ABCG2: variants seen among roughly 807,000 people sequenced by gnomAD.
The protein encoded by ABCG2 is broad substrate specificity ATP-binding cassette transporter ABCG2.
In ABCG2, 80 loss-of-function variants were observed where a neutral mutation model predicts 73.5. The observed-to-expected ratio is 1.09, with a 90% CI of 0.91 to 1.31. The LOEUF is 1.31. Among genes scored for constraint, ABCG2 ranks in the 50% most tolerant of loss-of-function variants. ABCG2 has a pLI of 0.00. For missense variants in ABCG2, 796 were observed against 786.2 expected, an observed-to-expected ratio of 1.01 and a Z score of -0.15; for synonymous variants, 269 against 282.4, an observed-to-expected ratio of 0.95 and a Z score of 0.48.
intron 1 of ABCG2, among the ~76,000 whole-genome samples, chr4:88,170,795 T>C (rs1168628480): frequency 1.3e-5 from 2 of 152,362 alleles, no homozygotes; most frequent in Middle Eastern, 3.4e-3. Context: ...GGCTCCTCTT[T>C]CAGTTATAAA....
At chr4:88,109,001 ATTT>A (rs35911715) in intron 9 of ABCG2, among the ~76,000 whole-genome samples, 1 of 140,894 alleles carries the variant, frequency 7.1e-6, no homozygotes. Flanking sequence ...TCAATTCAGG[ATTT>A]TTTTTTTTTT....
At chr4:88,103,379 T>C (rs1220021666) in intron 10 of ABCG2, among the ~76,000 whole-genome samples, 1 of 152,244 alleles carries the variant, frequency 6.6e-6, no homozygotes. Context: ...TCTAATTCTT[T>C]CAAGGTGGTA....
chr4:88,216,227 G>A (rs924481199), intron 1 of ABCG2, among the ~76,000 whole-genome samples: 5 of 152,302 alleles, frequency 3.3e-5, no homozygotes, highest in Non-Finnish European at 7.4e-5. Context: ...CTTATGAGCC[G>A]TGGCTACTGG....
At chr4:88,115,231 A>AGTCTCTCTCTCTCTCT (rs759937067) in intron 7 of ABCG2, among the ~76,000 whole-genome samples, 173 bp from the exon 8 acceptor site, 2,756 of 21,754 alleles carry the variant, frequency 0.13, 296 homozygotes, top group African/African-American at 0.16. Flanking sequence ...TTATATATTC[A>AGTCTCTCTCTCTCTCT]GTCTCTCTCT....
intron 12 of ABCG2, among the ~76,000 whole-genome samples, chr4:88,098,953 A>C (rs1041172947): frequency 6.6e-6 from 1 of 151,376 alleles, no homozygotes; most frequent in Admixed American, 6.6e-5. Context: ...TTTACCAAAA[A>C]CTCCATCTTT....
chr4:88,160,243 A>AG (rs1727233245), upstream of ABCG2, among the ~76,000 whole-genome samples: 1 of 144,608 alleles, frequency 6.9e-6, no homozygotes, highest in Admixed American at 7.0e-5. Context: ...CTCTGTCTCA[A>AG]GAAAAAAAAA....
At chr4:88,097,920 A>T (rs1722097204) in intron 12 of ABCG2, among the ~76,000 whole-genome samples, 1 of 152,208 alleles carries the variant, frequency 6.6e-6, no homozygotes, top group Non-Finnish European at 1.5e-5. Flanking sequence ...ACTCATCAAT[A>T]GCACATTCAT....
chr4:88,224,396 T>C (rs1074839), intron 1 of ABCG2, among the ~76,000 whole-genome samples: 84,793 of 152,078 alleles, frequency 0.56, 23,903 homozygotes, highest in Middle Eastern at 0.66. Context: ...CGAGATGGTG[T>C]CACTGCACCC....
intron 6 of ABCG2, among the ~76,000 whole-genome samples, chr4:88,119,325 G>A (rs1428686938): frequency 6.6e-6 from 1 of 152,208 alleles, no homozygotes; most frequent in Non-Finnish European, 1.5e-5. Flanking sequence ...TATTAGCAGT[G>A]TGAGAACAAA....
chr4:88,192,194 A>C (rs941647173), intron 1 of ABCG2, among the ~76,000 whole-genome samples: 2 of 152,022 alleles, frequency 1.3e-5, no homozygotes, highest in African/African-American at 4.8e-5. Context: ...AAAAAAAAAA[A>C]AAAGAAAGAA....
chr4:88,179,965 TA>T (rs1468701910), intron 1 of ABCG2, among the ~76,000 whole-genome samples: 1 of 152,068 alleles, frequency 6.6e-6, no homozygotes, highest in East Asian at 1.9e-4. Context: ...GGGACAAAGC[TA>T]AGAGTTATTG....
intron 1 of ABCG2, among the ~76,000 whole-genome samples, chr4:88,208,756 G>C (rs1729471646): frequency 6.6e-6 from 1 of 152,128 alleles, no homozygotes; most frequent in African/African-American, 2.4e-5. Flanking sequence ...AATCAACCCA[G>C]ACAAAGCAAA....
intron 1 of ABCG2, among the ~76,000 whole-genome samples, chr4:88,210,944 T>C (rs1008732812): frequency 6.6e-6 from 1 of 152,070 alleles, no homozygotes; most frequent in African/African-American, 2.4e-5. Flanking sequence ...AGATGCCATG[T>C]TCTGCCCCTG....
At chr4:88,228,310 C>T (rs140630800) in intron 1 of ABCG2, among the ~76,000 whole-genome samples, 15 of 152,204 alleles carry the variant, frequency 9.9e-5, no homozygotes, top group South Asian at 2.1e-4. Context: ...TGGCCTCATC[C>T]GAGAAAATGG....
chr4:88,094,613 A>C lies in ABCG2; in HGVS notation c.1784T>G (p.Leu595Arg), dbSNP rs1351853099. The change falls in exon 15 of 16, where the codon CTC becomes CGC. Residue 595 changes from leucine to arginine, a missense_variant. Leu to Arg is a moderately radical substitution (Grantham distance 102, BLOSUM62 -2). Transcript: ENST00000237612. ...EFLGQNFCPG[L>R]NATGNNPCNY... ...ACAAGGATTGTTTCCTGTTGCATTG[A>C]GTCCTGGGCAGAAGTTTTGTCCCAA... is the stretch of plus-strand genomic sequence containing the variant. The C allele has an allele frequency of 1.2e-6, 2 of 1,614,014 alleles. No homozygotes were observed. Among genetic ancestry groups the C allele is most frequent in the Non-Finnish European group, 1.7e-6 (2 of 1,179,962 alleles).
intron 2 of ABCG2, 144 bp from the exon 3 acceptor site, chr4:88,132,779 CA>C: frequency 1.1e-6 from 1 of 911,260 alleles, no homozygotes. Context: ...AGAAAACAAA[CA>C]AACAAAACAG....
Position 88,115,027 on chromosome 4 carries a change from T to C in ABCG2, c.873A>G (p.Ala291=). Residue 291 remains alanine (A), a synonymous_variant, in exon 8 of 16, where the codon GCA becomes GCG. Coordinates refer to ENST00000237612, the MANE Select transcript of ABCG2 (RefSeq NM_004827.3). Reference sequence around the variant, plus strand: ...CATTAATGATGTCCAAGAAGAAGTCTGCAGGGTTATTATAGGCCTCACAGT... The same window carrying C: ...CATTAATGATGTCCAAGAAGAAGTCCGCAGGGTTATTATAGGCCTCACAGT... ...GYHCEAYNNP[A]DFFLDIINGD... is the part of the protein sequence containing the mutation. 1 of 1,613,238 alleles carries C rather than the reference T, an allele frequency of 6.2e-7. No homozygotes were observed. The highest frequency in any genetic ancestry group is 8.5e-7 in the Non-Finnish European group (1 of 1,179,504).
upstream of ABCG2, chr4:88,158,658 G>A: frequency 2.2e-6 from 1 of 456,126 alleles, no homozygotes; most frequent in Non-Finnish European, 4.4e-6. Flanking sequence ...CCTCCTGCGC[G>A]CCCGGAACCT....
At chr4:88,164,207 C>A (rs1019134400), upstream of ABCG2, among the ~76,000 whole-genome samples, 2 of 152,096 alleles carry the variant, frequency 1.3e-5, no homozygotes, top group Non-Finnish European at 2.9e-5. Context: ...GCTGGGATTA[C>A]AAGCACTTGC....
Sources: allele counts gnomAD v4.1 joint callset (sites outside exome capture counted in the v4.1 genomes callset), GRCh38; gene constraint gnomAD v4.1.1; transcripts MANE v1.5; gene names NCBI Gene and HGNC (gene_info 2026-07-23, HGNC 2026-07-21).